The following ARHGEF10 variants were observed in gnomAD, a reference collection of about 807,000 sequenced individuals.
The protein encoded by ARHGEF10 is Rho guanine nucleotide exchange factor 10.
Under a neutral mutation model 147.4 loss-of-function variants are expected in ARHGEF10, and 140 were observed. That is an observed-to-expected ratio of 0.95 (90% CI 0.83 to 1.09). The LOEUF is 1.09. Among genes scored for constraint, ARHGEF10 ranks in the 50% least tolerant of loss-of-function variants. The pLI is 0.00. For missense variants in ARHGEF10, 2,222 were observed against 1,752.7 expected, an observed-to-expected ratio of 1.27 and a Z score of -4.78; for synonymous variants, 902 against 695.8, an observed-to-expected ratio of 1.30 and a Z score of -4.67.
intron 5 of ARHGEF10, among the ~76,000 whole-genome samples, chr8:1,865,625 C>T (rs1197671773): frequency 6.6e-6 from 1 of 152,254 alleles, no homozygotes; most frequent in East Asian, 1.9e-4. Context: ...GGGCTCTCTT[C>T]CCTCATCCTC....
chr8:1,951,903 G>A (rs1242943171), intron 27 of ARHGEF10, among the ~76,000 whole-genome samples: 1 of 152,044 alleles, frequency 6.6e-6, no homozygotes, highest in African/African-American at 2.4e-5. Flanking sequence ...GCAGTGAGGT[G>A]GGGTCTTCCT....
At chr8:1,920,533 GC>G (rs1296945364) in intron 18 of ARHGEF10, among the ~76,000 whole-genome samples, 2 of 151,782 alleles carry the variant, frequency 1.3e-5, no homozygotes, top group Non-Finnish European at 2.9e-5. Context: ...AAACTATGTT[GC>G]CCAGGCTGGT....
Position 1,882,725 on chromosome 8 carries a change from A to G in ARHGEF10, c.1051A>G (p.Arg351Gly). 1 of 1,542,646 alleles carries G rather than the reference A, an allele frequency of 6.5e-7. No homozygotes were observed. The highest frequency in any genetic ancestry group is 8.8e-7 in the Non-Finnish European group (1 of 1,141,766). ...CGTGAAGAGGGGCCGCTCCTTCATC[A>G]GGACCAAGTCTCTCATCGCACAGGG... ...AAVKRGRSFI[R>G]TKSLIAQDHR... The change falls in exon 10 of 29, where the codon AGG (arginine) becomes GGG (glycine). Residue 351 changes from arginine (R) to glycine (G), a missense_variant. By Grantham distance (125) the Arg-to-Gly change is moderately radical (BLOSUM62 -2). Transcript: ENST00000349830.
chr8:1,926,027 G>T (rs950870920), intron 22 of ARHGEF10, among the ~76,000 whole-genome samples: 5 of 152,222 alleles, frequency 3.3e-5, no homozygotes, highest in African/African-American at 1.2e-4. Context: ...AGAGGCTGGG[G>T]TGGGACAGGG....
At chr8:1,944,225 C>T (rs1485983869) in intron 26 of ARHGEF10, among the ~76,000 whole-genome samples, 1 of 151,254 alleles carries the variant, frequency 6.6e-6, no homozygotes, top group Non-Finnish European at 1.5e-5. Context: ...CATGTCGCCT[C>T]CCTGGGGGCC....
At chr8:1,905,374 C>CGGGA (rs1810799401) in intron 16 of ARHGEF10, among the ~76,000 whole-genome samples, 197 bp from the exon 17 acceptor site, 1 of 152,088 alleles carries the variant, frequency 6.6e-6, no homozygotes, top group Admixed American at 6.6e-5. Context: ...GTTTAAATCG[C>CGGGA]GGGAGGGCCA....
At position 1,923,868 on chromosome 8, in the gene ARHGEF10, G is replaced by A. The variant is rs764702039; in HGVS notation, c.2482G>A (p.Ala828Thr). ...CAACAGCTTACAGATGGCCAAGCTCGCCCTAGGTAAGGCCTGGCTGGCTGA... is the reference window on the plus strand; with the variant it reads ...CAACAGCTTACAGATGGCCAAGCTCACCCTAGGTAAGGCCTGGCTGGCTGA... The part of the protein sequence containing the change: ...WVNSLQMAKL[A>T]LEEENHMGWF... The change falls in exon 21 of 29, where the codon GCC becomes ACC. Residue 828 changes from alanine (A) to threonine (T), a missense_variant. Ala to Thr is a moderately conservative substitution (Grantham distance 58). Coordinates refer to ENST00000349830, the MANE Select transcript of ARHGEF10 (RefSeq NM_014629.4). The A allele has an allele frequency of 3.1e-6, 5 of 1,614,020 alleles. No individual in the cohort carries two copies. The highest frequency in any genetic ancestry group is 2.5e-6 in the Non-Finnish European group (3 of 1,179,948).
At chr8:1,870,211 C>T (rs1173628420) in intron 7 of ARHGEF10, 1 of 140,618 alleles carries the variant, frequency 7.1e-6, no homozygotes, top group African/African-American at 2.7e-5. Flanking sequence ...CGGCATTTTT[C>T]AGGGGGAGGA....
At chr8:1,876,764 G>T in intron 8 of ARHGEF10, 30 bp downstream of exon 8, 1 of 1,609,382 alleles carries the variant, frequency 6.2e-7, no homozygotes, top group Non-Finnish European at 8.5e-7. Context: ...GTGAGGGATG[G>T]TTCTCTCGCG....
At chr8:1,873,303 C>G (rs1807291038) in intron 7 of ARHGEF10, among the ~76,000 whole-genome samples, 1 of 152,234 alleles carries the variant, frequency 6.6e-6, no homozygotes, top group South Asian at 2.1e-4. Context: ...AAACCACCCA[C>G]AGCACGGCAG....
rs759588299 is a variant in ARHGEF10, at chr8:1,843,417, C to T, written c.18C>T (p.Pro6=). ...GCTGCAGCATGGACCAGCGAGAGCC[C>T]CTGCCTCCCGCTCCTGCAGGTAACA... MDQRE[P]LPPAPAENEM... is the part of the protein sequence containing the mutation. The change falls in exon 2 of 29, where the codon CCC becomes CCT. Residue 6 remains proline, a synonymous_variant. Transcript: ENST00000349830. The T allele has an allele frequency of 6.2e-7, 1 of 1,613,024 alleles. No individual in the cohort carries two copies. Among genetic ancestry groups the T allele is most frequent in the African/African-American group, 1.3e-5 (1 of 74,902 alleles).
chr8:1,942,032 T>A (rs1251137644), intron 26 of ARHGEF10, among the ~76,000 whole-genome samples: 1 of 152,020 alleles, frequency 6.6e-6, no homozygotes, highest in African/African-American at 2.4e-5. Flanking sequence ...ATTATAGGGG[T>A]AAATCCTCAT....
intron 14 of ARHGEF10, among the ~76,000 whole-genome samples, chr8:1,897,543 C>G (rs920894482): frequency 3.3e-5 from 5 of 149,978 alleles, no homozygotes; most frequent in African/African-American, 9.9e-5. Context: ...ATCGCAGTTC[C>G]CCCTCTGGAC....
intron 1 of ARHGEF10, among the ~76,000 whole-genome samples, chr8:1,829,410 G>C (rs1480954536): frequency 1.3e-5 from 2 of 152,252 alleles, no homozygotes; most frequent in African/African-American, 4.8e-5. Flanking sequence ...GGGCCAGCTT[G>C]AAGTCCGCTG....
intron 11 of ARHGEF10, among the ~76,000 whole-genome samples, chr8:1,892,638 C>A (rs1809636415): frequency 6.7e-6 from 1 of 148,944 alleles, no homozygotes; most frequent in Non-Finnish European, 1.5e-5. Context: ...CGTGTGTGTG[C>A]ATGTGTGTGT....
chr8:1,911,372 A>T (rs987415488), intron 18 of ARHGEF10, among the ~76,000 whole-genome samples: 2 of 152,190 alleles, frequency 1.3e-5, no homozygotes, highest in Non-Finnish European at 1.5e-5. Context: ...TTTTTGCCCA[A>T]TGCCTTAAAC....
At position 1,843,335 on chromosome 8, in the gene ARHGEF10, T is replaced by G. The variant is rs575567370; in HGVS notation, c.-47-18T>G. 1.9e-6 allele frequency: 3 copies of G among 1,603,202 alleles called. No individual in the cohort carries two copies. The African/African-American group carries it at 4.0e-5, about 21-fold the overall frequency. On this transcript the variant is annotated intron_variant, in intron 1 of 28. Coordinates refer to ENST00000349830, the MANE Select transcript of ARHGEF10 (RefSeq NM_014629.4). ...TATCCACCTGAACGGTGACAAGCAG[T>G]GTCTCTCCTTCTTGCAGGAGCTCCT... is the stretch of plus-strand genomic sequence containing the variant.
intron 11 of ARHGEF10, among the ~76,000 whole-genome samples, chr8:1,892,356 A>G: frequency 6.9e-6 from 1 of 144,728 alleles, no homozygotes; most frequent in African/African-American, 2.7e-5. Context: ...TGTATTTTTT[A>G]AATACATTAG....
intron 26 of ARHGEF10, among the ~76,000 whole-genome samples, chr8:1,939,941 T>C (rs1813945867): frequency 6.6e-6 from 1 of 152,212 alleles, no homozygotes; most frequent in Non-Finnish European, 1.5e-5. Flanking sequence ...CAGCAGACGG[T>C]GCTGAGCCAT....
Sources: allele counts gnomAD v4.1 joint callset (sites outside exome capture counted in the v4.1 genomes callset), GRCh38; gene constraint gnomAD v4.1.1; transcripts MANE v1.5; gene names NCBI Gene and HGNC (gene_info 2026-07-23, HGNC 2026-07-21).